FIBCD1: variants seen among roughly 807,000 people sequenced by gnomAD.
FIBCD1 encodes the protein fibrinogen C domain containing 1.
A neutral mutation model predicts 45.1 loss-of-function variants in FIBCD1; 47 were observed. The ratio of observed to expected loss-of-function variants is 1.04; its 90% CI spans 0.82 to 1.33. The LOEUF (loss-of-function observed/expected upper bound fraction) is 1.33. FIBCD1 is among the 40% of genes most tolerant of loss of function. The pLI is 0.00. For missense variants in FIBCD1, 653 were observed against 682.2 expected, an observed-to-expected ratio of 0.96 and a Z score of 0.48; for synonymous variants, 313 against 308.1, an observed-to-expected ratio of 1.02 and a Z score of -0.17.
chr9:130,912,997 C>T (rs12350772), intron 4 of FIBCD1, among the ~76,000 whole-genome samples: 1,918 of 152,230 alleles, frequency 0.013, 45 homozygotes, highest in African/African-American at 0.044. Context: ...GGAGTCCAGG[C>T]GATGGCTCAG....
At chr9:130,927,355 T>C (rs1832378392) in intron 2 of FIBCD1, among the ~76,000 whole-genome samples, 1 of 152,182 alleles carries the variant, frequency 6.6e-6, no homozygotes, top group Admixed American at 6.5e-5. Context: ...GAGACGTTGA[T>C]GGTGCAGACC....
At chr9:130,931,237 G>T (rs570433869) in intron 1 of FIBCD1, among the ~76,000 whole-genome samples, 7 of 152,206 alleles carry the variant, frequency 4.6e-5, no homozygotes, top group Non-Finnish European at 1.0e-4. Flanking sequence ...GGGACCCGGC[G>T]AGGTAGCTCA....
Position 130,902,637 on chromosome 9 carries a change from G to C in FIBCD1, c.*1427C>G, listed in dbSNP as rs1040287000. On this transcript the variant is annotated 3_prime_UTR_variant, in exon 7 of 7. Coordinates refer to ENST00000372338, the MANE Select transcript of FIBCD1 (RefSeq NM_032843.5). ...TTTGGAGGAAGCCACCTCCCCTCCT[G>C]CCCGAGGAGAGGCTGCTAGGCAGCT... The C allele has an allele frequency of 9.2e-5, 14 of 152,248 alleles. No individual in the cohort carries two copies. Among genetic ancestry groups the C allele is most frequent in the African/African-American group, 3.4e-4 (14 of 41,458 alleles). The allele number at this position is 152,248 out of a possible 1,614,324, so 9.4% of individuals were successfully genotyped here.
intron 1 of FIBCD1, among the ~76,000 whole-genome samples, chr9:130,934,137 G>A (rs1370998492): frequency 1.3e-5 from 2 of 152,158 alleles, no homozygotes; most frequent in East Asian, 3.9e-4. Flanking sequence ...ACTGGGCCCT[G>A]CCTCAGGCCA....
chr9:130,921,325 C>G (rs1292839437), intron 4 of FIBCD1, among the ~76,000 whole-genome samples: 4 of 152,254 alleles, frequency 2.6e-5, no homozygotes, highest in African/African-American at 9.6e-5. Flanking sequence ...AGCTCCTTCC[C>G]AAACAAAAAC....
chr9:130,914,989 C>T (rs1038504454), intron 4 of FIBCD1, among the ~76,000 whole-genome samples: 4 of 152,354 alleles, frequency 2.6e-5, no homozygotes, highest in African/African-American at 4.8e-5. Flanking sequence ...GCCAGGCGGC[C>T]GTGAGCAGCA....
chr9:130,907,096 A>G (rs1831941877), intron 5 of FIBCD1, among the ~76,000 whole-genome samples: 1 of 152,242 alleles, frequency 6.6e-6, no homozygotes, highest in Admixed American at 6.5e-5. Context: ...CAGATGATGC[A>G]GGAATAGGGA....
Position 130,905,226 on chromosome 9 carries a change from A to G in FIBCD1, c.1126+8T>C. 6.2e-7 allele frequency: 1 copy of G among 1,609,182 alleles called. No individual in the cohort carries two copies. Among genetic ancestry groups the G allele is most frequent in the Non-Finnish European group, 8.5e-7 (1 of 1,176,826 alleles). ...CCTTCCCCATCCCTGCCACAGCTGGAGCCTCACCTGCAGTGCCGGAATAGT... is the reference window on the plus strand; with the variant it reads ...CCTTCCCCATCCCTGCCACAGCTGGGGCCTCACCTGCAGTGCCGGAATAGT... On this transcript the variant is annotated splice_region_variant and intron_variant, in intron 6 of 6. Transcript: ENST00000372338.
At chr9:130,911,728 C>T in intron 5 of FIBCD1, 64 bp downstream of exon 5, 2 of 1,459,596 alleles carry the variant, frequency 1.4e-6, no homozygotes, top group Non-Finnish European at 9.4e-7. Context: ...AGCTGGGACC[C>T]AACTGTGTCC....
At chr9:130,928,895 T>C (rs1417190247) in intron 2 of FIBCD1, among the ~76,000 whole-genome samples, 1 of 150,848 alleles carries the variant, frequency 6.6e-6, no homozygotes, top group Non-Finnish European at 1.5e-5. Context: ...AAATCCCTCA[T>C]CCTATGAAGG....
At chr9:130,911,994 T>G in intron 4 of FIBCD1, 106 bp from the exon 5 acceptor site, 114 of 980,502 alleles carry the variant, frequency 1.2e-4, no homozygotes, top group Middle Eastern at 3.4e-4. Flanking sequence ...GCTCCCAACC[T>G]GCCCTCTCGG....
chr9:130,911,339 C>T (rs950078306), intron 5 of FIBCD1, among the ~76,000 whole-genome samples: 1 of 152,160 alleles, frequency 6.6e-6, no homozygotes, highest in Non-Finnish European at 1.5e-5. Flanking sequence ...AGACCAAGAA[C>T]CCACCAATTC....
chr9:130,920,921 G>C (rs1017900323), intron 4 of FIBCD1, among the ~76,000 whole-genome samples: 1 of 152,258 alleles, frequency 6.6e-6, no homozygotes, highest in Non-Finnish European at 1.5e-5. Flanking sequence ...GCTTGCTTTA[G>C]GCATTCAAGG....
At chr9:130,915,657 G>A (rs889252544) in intron 4 of FIBCD1, among the ~76,000 whole-genome samples, 2 of 152,130 alleles carry the variant, frequency 1.3e-5, no homozygotes, top group African/African-American at 4.8e-5. Flanking sequence ...AGCCGAGATC[G>A]CGCCACTGCA....
chr9:130,904,224 C>T lies in FIBCD1; in HGVS notation c.1226G>A (p.Trp409Ter), dbSNP rs1240957160. The T allele has an allele frequency of 1.9e-6, 3 of 1,613,806 alleles. No homozygotes were observed. The highest frequency in any genetic ancestry group is 2.5e-6 in the Non-Finnish European group (3 of 1,180,008). ...GGACGTGTGGCAGTTGCGGTACCAC[C>T]AGGCACCGCGGTAGAAGGCGGCACA... is the stretch of plus-strand genomic sequence containing the variant. The part of the protein sequence containing the change: ...NNCAAFYRGA[W>*]WYRNCHTSNL... Residue 409 changes from tryptophan to a stop codon, truncating the protein, a stop_gained, in exon 7 of 7, where the codon TGG (tryptophan) becomes TAG (stop). Coordinates refer to ENST00000372338, the MANE Select transcript of FIBCD1 (RefSeq NM_032843.5). LOFTEE classifies it high-confidence loss of function.
chr9:130,931,187 G>T (rs1469856078), intron 1 of FIBCD1, among the ~76,000 whole-genome samples: 2 of 152,150 alleles, frequency 1.3e-5, no homozygotes, highest in Admixed American at 1.3e-4. Flanking sequence ...GCAACAGGTG[G>T]CTGTCACTCC....
intron 4 of FIBCD1, among the ~76,000 whole-genome samples, chr9:130,914,378 C>T (rs759784488): frequency 6.6e-6 from 1 of 152,226 alleles, no homozygotes; most frequent in Non-Finnish European, 1.5e-5. Flanking sequence ...AGGAGACACC[C>T]GTGCTCAGGG....
At position 130,904,079 on chromosome 9, in the gene FIBCD1, G is replaced by T; in HGVS notation, c.1371C>A (p.Val457=). ...GTGCACCAGTCTAGCGGTCCTCCCG[G>T]ACCGGCCGGATCTTCATCTCAGAGA... ...LKFSEMKIRP[V]REDR Residue 457 remains valine (V), a synonymous_variant, in exon 7 of 7, where the codon GTC becomes GTA. Transcript: ENST00000372338. The T allele has an allele frequency of 1.2e-6, 2 of 1,612,756 alleles. No individual in the cohort carries two copies. The highest frequency in any genetic ancestry group is 1.1e-5 in the South Asian group (1 of 91,000).
Position 130,924,223 on chromosome 9 carries a change from C to T in FIBCD1, c.712+14G>A. 2 of 1,570,666 alleles carry T rather than the reference C, an allele frequency of 1.3e-6. No homozygotes were observed. The highest frequency in any genetic ancestry group is 1.7e-6 in the Non-Finnish European group (2 of 1,159,570). The stretch of plus-strand genomic sequence containing the variant: ...CCCGAGGCACCGGAGGAAGGCAGGC[C>T]CTGCCCCACTCACCAGTGGCACAGC... On this transcript the variant is annotated intron_variant, in intron 3 of 6. Coordinates refer to ENST00000372338, the MANE Select transcript of FIBCD1 (RefSeq NM_032843.5).
Sources: allele counts gnomAD v4.1 joint callset (sites outside exome capture counted in the v4.1 genomes callset), GRCh38; gene constraint gnomAD v4.1.1; transcripts MANE v1.5; gene names NCBI Gene and HGNC (gene_info 2026-07-23, HGNC 2026-07-21).